SIPA1L1: variants seen among roughly 807,000 people sequenced by gnomAD.
SIPA1L1 encodes signal induced proliferation associated 1 like 1, also known as signal-induced proliferation-associated 1-like protein 1.
In SIPA1L1, 26 loss-of-function variants were observed where a neutral mutation model predicts 162.7. The ratio of observed to expected loss-of-function variants is 0.16; its 90% confidence interval spans 0.12 to 0.22. SIPA1L1 has a LOEUF of 0.22. Among genes scored for constraint, SIPA1L1 ranks in the 10% least tolerant of loss-of-function variants. SIPA1L1 has a pLI of 1.00. For missense variants in SIPA1L1, 1,874 were observed against 2,241.0 expected (o/e 0.84, Z 3.31); for synonymous variants, 829 against 837.4 (o/e 0.99, Z 0.17).
At chr14:71,738,431 C>T (rs183837908) in intron 23 of SIPA1L1, 106 bp downstream of exon 23, 14 of 697,110 alleles carry the variant, frequency 2.0e-5, no homozygotes, top group East Asian at 5.7e-5. Flanking sequence ...GGTGTCTTCC[C>T]GGTGCCTGCA....
intron 6 of SIPA1L1, among the ~76,000 whole-genome samples, chr14:71,623,805 C>G (rs1350963093): frequency 6.6e-6 from 1 of 152,142 alleles, no homozygotes; most frequent in Admixed American, 6.5e-5. Flanking sequence ...AAATAAATAT[C>G]CTCAGAAGTC....
intron 2 of SIPA1L1, among the ~76,000 whole-genome samples, chr14:71,423,906 A>G (rs2043371536): frequency 6.6e-6 from 1 of 152,098 alleles, no homozygotes; most frequent in African/African-American, 2.4e-5. Context: ...TAATATTGCT[A>G]TCTTAATATC....
At chr14:71,524,586 A>G (rs1407119414) in intron 3 of SIPA1L1, among the ~76,000 whole-genome samples, 1 of 152,202 alleles carries the variant, frequency 6.6e-6, no homozygotes, top group Non-Finnish European at 1.5e-5. Context: ...TGTGATTTAC[A>G]AGTCCTTTCA....
At chr14:71,711,046 A>G (rs920696062) in intron 17 of SIPA1L1, among the ~76,000 whole-genome samples, 1 of 152,112 alleles carries the variant, frequency 6.6e-6, no homozygotes, top group Non-Finnish European at 1.5e-5. Flanking sequence ...TTCATTTAAA[A>G]TGTCAGGCCC....
intron 2 of SIPA1L1, among the ~76,000 whole-genome samples, chr14:71,438,416 G>C (rs918704762): frequency 6.6e-6 from 1 of 152,132 alleles, no homozygotes; most frequent in East Asian, 1.9e-4. Context: ...CCCACATAAT[G>C]AATCCTGTTC....
intron 7 of SIPA1L1, among the ~76,000 whole-genome samples, chr14:71,641,758 T>C (rs2041742295): frequency 6.6e-6 from 1 of 152,152 alleles, no homozygotes; most frequent in Non-Finnish European, 1.5e-5. Context: ...CAGAAGACAT[T>C]TCTAAAGTGC....
At chr14:71,423,042 G>A (rs995764869) in intron 2 of SIPA1L1, among the ~76,000 whole-genome samples, 3 of 152,130 alleles carry the variant, frequency 2.0e-5, no homozygotes, top group African/African-American at 7.2e-5. Context: ...GTGGCACCTC[G>A]TAATTTTGAT....
At chr14:71,734,472 T>C in intron 21 of SIPA1L1, among the ~76,000 whole-genome samples, 1 of 152,266 alleles carries the variant, frequency 6.6e-6, no homozygotes, top group Non-Finnish European at 1.5e-5. Context: ...AAGATCTTTC[T>C]AAAATTTTTA....
At chr14:71,620,162 T>C (rs140248618) in intron 6 of SIPA1L1, among the ~76,000 whole-genome samples, 210 of 152,274 alleles carry the variant, frequency 1.4e-3, no homozygotes, top group Non-Finnish European at 2.5e-3. Flanking sequence ...CTTTGTCTCC[T>C]GGGTTCAAGT....
chr14:71,385,922 G>A (rs1355367015), intron 2 of SIPA1L1, among the ~76,000 whole-genome samples: 2 of 152,020 alleles, frequency 1.3e-5, no homozygotes, highest in Non-Finnish European at 2.9e-5. Context: ...TCCTGACCTC[G>A]TGATCCGCCC....
intron 7 of SIPA1L1, 111 bp downstream of exon 7, chr14:71,624,347 G>T (rs1023996333): frequency 1.1e-6 from 1 of 897,732 alleles, no homozygotes; most frequent in Non-Finnish European, 1.6e-6. Context: ...ACTTTTTATT[G>T]TGAAAGACAC....
At position 71,739,005 on chromosome 14, in the gene SIPA1L1, C is replaced by T. The variant is rs1566774816; in HGVS notation, c.5209-13C>T. 2 of 1,611,740 alleles carry T rather than the reference C, an allele frequency of 1.2e-6. No homozygotes were observed. Among genetic ancestry groups the T allele is most frequent in the East Asian group, 2.2e-5 (1 of 44,866 alleles). On this transcript the variant is annotated splice_polypyrimidine_tract_variant and intron_variant, in intron 23 of 23. Coordinates refer to ENST00000381232, the MANE Select transcript of SIPA1L1 (RefSeq NM_001386936.1). The stretch of plus-strand genomic sequence containing the variant: ...AACACCTCTTAGCTTTTCTACTTCA[C>T]TCTGCCTCCCAGGAAAAAGAAGACA...
chr14:71,630,753 T>C (rs1006359355), intron 7 of SIPA1L1, among the ~76,000 whole-genome samples: 2 of 151,030 alleles, frequency 1.3e-5, no homozygotes, highest in African/African-American at 4.8e-5. Flanking sequence ...AATCACCTTA[T>C]TAACTACAAG....
chr14:71,507,845 T>G (rs1245325569), intron 2 of SIPA1L1, among the ~76,000 whole-genome samples: 1 of 152,196 alleles, frequency 6.6e-6, no homozygotes, highest in Non-Finnish European at 1.5e-5. Flanking sequence ...CAGAGGTCTG[T>G]GTTTTCAGCT....
intron 23 of SIPA1L1, 151 bp from the exon 24 acceptor site, chr14:71,738,867 C>A: frequency 1.2e-6 from 1 of 802,228 alleles, no homozygotes; most frequent in Non-Finnish European, 1.9e-6. Context: ...AGTGTCTTAG[C>A]ACCTGATACC....
rs1451455220 is a variant in SIPA1L1 at position 71,709,085 on chromosome 14, T to C, written c.3766-137T>C. The C allele has an allele frequency of 4.1e-5, 27 of 656,900 alleles. No homozygotes were observed. The South Asian group carries it at 4.9e-4, about 12-fold the overall frequency. 40.7% of individuals were successfully genotyped at this position (656,900 alleles called of 1,614,324 possible). A position where few individuals can be genotyped will look rare whatever the true frequency, so the allele number is the denominator to read the frequency against. ...ACCATAGTGACATAGGTTCCCTGTC[T>C]TACTGTGACTAGTCATTATTGGAAC... is the stretch of plus-strand genomic sequence containing the variant. On this transcript the variant is annotated intron_variant, in intron 16 of 23. Transcript: ENST00000381232.
chr14:71,358,556 T>C (rs553269892), intron 2 of SIPA1L1, among the ~76,000 whole-genome samples: 30 of 152,342 alleles, frequency 2.0e-4, no homozygotes, highest in African/African-American at 7.0e-4. Flanking sequence ...CCGTCCTGTT[T>C]AAGACTGAGC....
Position 71,682,735 on chromosome 14 carries a change from A to G in SIPA1L1, c.3105-2627A>G, listed in dbSNP as rs547384913. Among the ~76,000 whole-genome samples the G allele has an allele frequency of 5.2e-5, 8 of 152,382 alleles. 1 individual carries two copies. The East Asian group carries it at 1.5e-3, about 29-fold the overall frequency. On this transcript the variant is annotated intron_variant, in intron 12 of 23. Transcript: ENST00000381232. The stretch of plus-strand genomic sequence containing the variant: ...AAAGACTATTCCAAAGAGTGTTTGA[A>G]GAAACCCAAAGATAAAGTAACTTGT...
At chr14:71,482,679 C>G (rs2048441435) in intron 2 of SIPA1L1, among the ~76,000 whole-genome samples, 1 of 152,166 alleles carries the variant, frequency 6.6e-6, no homozygotes, top group African/African-American at 2.4e-5. Flanking sequence ...AATTAGGGCT[C>G]TGATGTATTT....
Sources: allele counts gnomAD v4.1 joint callset (sites outside exome capture counted in the v4.1 genomes callset), GRCh38; gene constraint gnomAD v4.1.1; transcripts MANE v1.5; gene names NCBI Gene and HGNC (gene_info 2026-07-23, HGNC 2026-07-21).